The following NEB variants were observed in gnomAD, a reference collection of about 807,000 sequenced individuals.
The protein encoded by NEB is nebulin, also known as nemaline myopathy type 2.
NEB carries 512 observed loss-of-function variants against 952.2 expected under a neutral mutation model. The observed-to-expected ratio is 0.54, with a 90% CI of 0.50 to 0.58. The LOEUF (loss-of-function observed/expected upper bound fraction) is 0.58. Among genes scored for constraint, NEB ranks in the 20% least tolerant of loss-of-function variants. The probability of loss-of-function intolerance (pLI) is 0.00; values close to 1 mark genes in which losing one functional copy is unlikely to be tolerated. For synonymous variants in NEB, 2,900 were observed against 3,149.8 expected (o/e 0.92, Z 2.66); for missense variants, 8,428 against 9,231.1 (o/e 0.91, Z 3.56).
At chr2:151,667,693 A>AT in intron 40 of NEB, 111 bp downstream of exon 40, 1 of 698,692 alleles carries the variant, frequency 1.4e-6, no homozygotes, top group Non-Finnish European at 2.3e-6. Flanking sequence ...ACATCTGGCT[A>AT]ATTTTTTTTT....
chr2:151,529,277 T>A lies in NEB; in HGVS notation c.21668A>T (p.Asn7223Ile). 1 of 1,613,602 alleles carries A rather than the reference T, an allele frequency of 6.2e-7. No individual in the cohort carries two copies. The highest frequency in any genetic ancestry group is 8.5e-7 in the Non-Finnish European group (1 of 1,179,496). ...YKEVYQRNKS[N>I]CTIEPDAVHI... ...AACAGCATCTGGCTCAATGGTGCAG[T>A]TGGATTTATTTCTTTGGTATACTTC... The change falls in exon 146 of 182, where the codon AAC becomes ATC. Residue 7223 changes from asparagine to isoleucine, a missense_variant. Physicochemically the swap from Asn to Ile is moderately radical, Grantham distance 149. Coordinates refer to ENST00000397345, the MANE Select transcript of NEB (RefSeq NM_001164508.2).
chr2:151,653,897 T>G, intron 52 of NEB, 95 bp downstream of exon 52: 1 of 716,488 alleles, frequency 1.4e-6, no homozygotes, highest in Non-Finnish European at 2.4e-6. Context: ...CATTATATTT[T>G]GAAAGGTAAA....
At chr2:151,494,641 T>G (rs894265731) in intron 173 of NEB, among the ~76,000 whole-genome samples, 17 of 151,970 alleles carry the variant, frequency 1.1e-4, no homozygotes, top group African/African-American at 3.9e-4. Context: ...TTGTTTTTTT[T>G]TGTTTTGTTT....
chr2:151,498,436 G>C, intron 169 of NEB, 84 bp from the exon 170 acceptor site: 1 of 920,414 alleles, frequency 1.1e-6, no homozygotes, highest in Non-Finnish European at 1.7e-6. Flanking sequence ...GGAGTGGGAA[G>C]GGAGGAAGAG....
intron 161 of NEB, among the ~76,000 whole-genome samples, chr2:151,510,800 C>T (rs1297305682): frequency 6.6e-6 from 1 of 152,140 alleles, no homozygotes; most frequent in Non-Finnish European, 1.5e-5. Context: ...TGGAACATAT[C>T]CCCCTCGGAT....
In NEB at chr2:151,667,038, T is replaced by TA. The variant is rs574074536; in HGVS notation, c.4720-638dup. Among the ~76,000 whole-genome samples the TA allele has an allele frequency of 2.3e-3, 345 of 146,922 alleles. 2 individuals are homozygous for TA. The highest frequency in any genetic ancestry group is 0.014 in the South Asian group (63 of 4,586). ...TCATATAGGAATATAACTTAATTTG[T>TA]AAAAAAAAAAATTAACTAAAATCCT... is the stretch of plus-strand genomic sequence containing the variant. On this transcript the variant is annotated intron_variant, in intron 40 of 181. Coordinates refer to ENST00000397345, the MANE Select transcript of NEB (RefSeq NM_001164508.2).
At chr2:151,499,696 T>C (rs1327099923) in intron 168 of NEB, among the ~76,000 whole-genome samples, 1 of 152,214 alleles carries the variant, frequency 6.6e-6, no homozygotes, top group Admixed American at 6.5e-5. Flanking sequence ...CAGTGTACAA[T>C]AGAAAAATTG....
rs771329756 is a variant in NEB, at chr2:151,662,170, C to T, written c.5935G>A (p.Val1979Ile). ...YSTLMDSMNM[V>I]LAQNNAKIMN... The stretch of plus-strand genomic sequence containing the variant: ...ATTTTTGCATTATTCTGGGCCAAAA[C>T]CATGTTCATCGAGTCCATGAGTGTG... Residue 1979 changes from valine (V) to isoleucine (I), a missense_variant, in exon 46 of 182, where the codon GTT becomes ATT. By Grantham distance (29) the Val-to-Ile change is conservative. Transcript: ENST00000397345. 28 of 1,613,248 alleles carry T rather than the reference C, an allele frequency of 1.7e-5. No homozygotes were observed. In the South Asian group the frequency reaches 2.9e-4, roughly 16 times the overall value.
chr2:151,548,171 G>A (rs1179346019), intron 131 of NEB, 137 bp downstream of exon 131: 40 of 723,292 alleles, frequency 5.5e-5, no homozygotes, highest in Non-Finnish European at 9.1e-5. Flanking sequence ...GTATCAAAAT[G>A]TGACAATAAG....
chr2:151,630,837 A>T lies in NEB; in HGVS notation c.9619-18T>A. ...TATAAACGCTATAAAAGAAGATAAG[A>T]TGCTGATTAAAAATCATTTGAAATA... On this transcript the variant is annotated intron_variant, in intron 66 of 181. Transcript: ENST00000397345. The T allele has an allele frequency of 6.5e-7, 1 of 1,542,814 alleles. No individual in the cohort carries two copies. Among genetic ancestry groups the T allele is most frequent in the Non-Finnish European group, 8.8e-7 (1 of 1,136,750 alleles).
intron 95 of NEB, among the ~76,000 whole-genome samples, 177 bp from the exon 96 acceptor site, chr2:151,591,632 T>C (rs1199731991): frequency 1.3e-5 from 2 of 152,278 alleles, no homozygotes; most frequent in African/African-American, 4.8e-5. Context: ...TTTAATGACA[T>C]TTAGTAAAGC....
intron 132 of NEB, 32 bp from the exon 133 acceptor site, chr2:151,547,565 T>G (rs750904252): frequency 6.3e-7 from 1 of 1,599,272 alleles, no homozygotes; most frequent in Non-Finnish European, 8.6e-7. Context: ...AAAACATATG[T>G]ATTAGAGACC....
intron 161 of NEB, among the ~76,000 whole-genome samples, chr2:151,509,314 T>C (rs2072011307): frequency 1.4e-5 from 2 of 140,484 alleles, no homozygotes; most frequent in South Asian, 4.4e-4. Context: ...TCCTTAGCTA[T>C]GTAGATGTAA....
chr2:151,663,880 A>G (rs2099173744), intron 44 of NEB, 21 bp from the exon 45 acceptor site: 2 of 1,596,498 alleles, frequency 1.3e-6, no homozygotes, highest in Non-Finnish European at 8.6e-7. Flanking sequence ...AGAAGAAATT[A>G]TGGTGATGAA....
At chr2:151,549,464 A>G (rs1406303601) in intron 130 of NEB, among the ~76,000 whole-genome samples, 172 bp downstream of exon 130, 2 of 152,208 alleles carry the variant, frequency 1.3e-5, no homozygotes, top group Non-Finnish European at 2.9e-5. Flanking sequence ...TGCAGAAGGA[A>G]TCAATTGCAC....
chr2:151,538,272 C>T (rs2093512223), intron 138 of NEB, 28 bp from the exon 139 acceptor site: 10 of 1,490,496 alleles, frequency 6.7e-6, no homozygotes, highest in Non-Finnish European at 8.4e-6. Flanking sequence ...ACATGAATTA[C>T]AAAAAAACTA....
At chr2:151,691,797 T>C (rs2099553424) in intron 23 of NEB, 67 bp downstream of exon 23, 6 of 1,170,862 alleles carry the variant, frequency 5.1e-6, no homozygotes, top group Non-Finnish European at 7.5e-6. Context: ...AAACTCCTGC[T>C]AAATTTACCA....
rs145255277 is a variant in NEB at position 151,642,474 on chromosome 2, A to G, written c.8373+100T>C. On this transcript the variant is annotated intron_variant, in intron 60 of 181. Transcript: ENST00000397345. Reference sequence around the variant, plus strand: ...ATCGAAACAATAAACTGTTAGCAACAGCTTTAACCTCATGGCTTACTTGTG... The same window carrying G: ...ATCGAAACAATAAACTGTTAGCAACGGCTTTAACCTCATGGCTTACTTGTG... The G allele has an allele frequency of 1.1e-3, 1,025 of 957,270 alleles. 11 individuals are homozygous for G. In the East Asian group the frequency reaches 0.024, roughly 23 times the overall value. The allele number at this position is 957,270 out of a possible 1,614,324, so 59.3% of individuals were successfully genotyped here. A position where few individuals can be genotyped will look rare whatever the true frequency, so the allele number is the denominator to read the frequency against.
chr2:151,706,416 C>T lies in NEB; in HGVS notation c.1152+465G>A, dbSNP rs76128511. ...TTTGCCTAATATGCTTTAAATTGAACGGCTTAGTCGGGCTCTTAATAATTA... is the reference window on the plus strand; with the variant it reads ...TTTGCCTAATATGCTTTAAATTGAATGGCTTAGTCGGGCTCTTAATAATTA... On this transcript the variant is annotated intron_variant, in intron 13 of 181. Transcript: ENST00000397345. 3.3e-3 allele frequency among the ~76,000 whole-genome samples: 498 copies of T among 152,214 alleles called. 1 individual carries two copies. The highest frequency in any genetic ancestry group is 0.011 in the African/African-American group (439 of 41,528).
Sources: gnomAD v4.1 joint callset for allele counts (sites outside exome capture counted in the v4.1 genomes callset) on GRCh38, gnomAD v4.1.1 for gene constraint, MANE v1.5 for transcripts, NCBI Gene and HGNC (gene_info 2026-07-23, HGNC 2026-07-21) for gene names.